CRISP1: variants seen among roughly 807,000 people sequenced by gnomAD.
The protein encoded by CRISP1 is cysteine rich secretory protein 1, also known as cysteine-rich secretory protein 1.
A neutral mutation model predicts 33.1 loss-of-function variants in CRISP1; 44 were observed. The ratio of observed to expected loss-of-function variants is 1.33; its 90% CI spans 1.05 to 1.71. The LOEUF (loss-of-function observed/expected upper bound fraction) is 1.71. CRISP1 is among the 40% of genes most tolerant of loss of function. The pLI is 0.00. For synonymous variants in CRISP1, 103 were observed against 98.7 expected, an observed-to-expected ratio of 1.04 and a Z score of -0.26; for missense variants, 390 against 301.2, an observed-to-expected ratio of 1.29 and a Z score of -2.18.
At position 49,847,350 on chromosome 6, in the gene CRISP1, C is replaced by T. The variant is rs547219244; in HGVS notation, c.287-682G>A. On this transcript the variant is annotated intron_variant, in intron 4 of 7. Coordinates refer to ENST00000335847, the MANE Select transcript of CRISP1 (RefSeq NM_001131.3). ...CCCCGTGTTGAAGGTGGGGCCTGAC[C>T]GGAGACGTTTACCTCACGGTAGTGG... Among the ~76,000 whole-genome samples, 7 of 152,210 alleles carry T rather than the reference C, an allele frequency of 4.6e-5. No homozygotes were observed. The East Asian group carries it at 9.7e-4, about 21-fold the overall frequency.
chr6:49,875,520 G>T (rs1386536690), intron 1 of CRISP1, among the ~76,000 whole-genome samples: 1 of 151,918 alleles, frequency 6.6e-6, no homozygotes, highest in Admixed American at 6.6e-5. Flanking sequence ...ACTATCATTG[G>T]CATTCTTCAC....
At chr6:49,840,374 T>C (rs1770944077) in intron 6 of CRISP1, among the ~76,000 whole-genome samples, 5 of 152,220 alleles carry the variant, frequency 3.3e-5, no homozygotes, top group Admixed American at 2.0e-4. Flanking sequence ...GTATATTTAA[T>C]TTTTAAAGAG....
In CRISP1 at chr6:49,840,987, C is replaced by T; in HGVS notation, c.444G>A (p.Trp148Ter). The T allele has an allele frequency of 6.2e-7, 1 of 1,613,122 alleles. No individual in the cohort carries two copies. Among genetic ancestry groups the T allele is most frequent in the Non-Finnish European group, 8.5e-7 (1 of 1,179,362 alleles). The change falls in exon 6 of 8, where the codon TGG (tryptophan) becomes TGA (stop). Residue 148 changes from tryptophan to a stop codon, truncating the protein, a stop_gained. Transcript: ENST00000335847. LOFTEE classifies it high-confidence loss of function. ...CACAGCCAATCAGGTAAGATGTGGC[C>T]CAAACAATCTGCAATGATAAAGAGT... ...ITTDHYTQIV[W>*]ATSYLIGCAI...
chr6:49,838,536 A>T lies in CRISP1; in HGVS notation c.534-11T>A. The T allele has an allele frequency of 6.2e-7, 1 of 1,603,298 alleles. No homozygotes were observed. Among genetic ancestry groups the T allele is most frequent in the Non-Finnish European group, 8.5e-7 (1 of 1,173,068 alleles). ...TCAGGATCATTTCCCCTTGAATAAA[A>T]AAAAGTGATTTCATAAAACCCATCT... On this transcript the variant is annotated splice_polypyrimidine_tract_variant and intron_variant, in intron 6 of 7. Coordinates refer to ENST00000335847, the MANE Select transcript of CRISP1 (RefSeq NM_001131.3).
At chr6:49,850,845 C>T (rs147166748) in intron 3 of CRISP1, among the ~76,000 whole-genome samples, 27 of 152,228 alleles carry the variant, frequency 1.8e-4, no homozygotes, top group Non-Finnish European at 2.8e-4. Flanking sequence ...CTTATTTGCT[C>T]ATCTGGCAAC....
At chr6:49,852,370 T>C (rs1582271764) in intron 2 of CRISP1, among the ~76,000 whole-genome samples, 1 of 152,172 alleles carries the variant, frequency 6.6e-6, no homozygotes, top group East Asian at 1.9e-4. Context: ...TATCCTGTTA[T>C]TAGGGTTTTT....
chr6:49,861,346 A>G (rs1196316491), intron 1 of CRISP1, among the ~76,000 whole-genome samples: 1 of 152,200 alleles, frequency 6.6e-6, no homozygotes, highest in Non-Finnish European at 1.5e-5. Flanking sequence ...TTCCTTAAAA[A>G]AATACTAACA....
At chr6:49,836,513 ATTT>A (rs1290258839) in intron 7 of CRISP1, among the ~76,000 whole-genome samples, 1 of 149,288 alleles carries the variant, frequency 6.7e-6, no homozygotes, top group Non-Finnish European at 1.5e-5. Flanking sequence ...TTTTTTTTTT[ATTT>A]TTTAGTAGAG....
At chr6:49,874,763 A>G (rs1316499831) in intron 1 of CRISP1, among the ~76,000 whole-genome samples, 1 of 152,130 alleles carries the variant, frequency 6.6e-6, no homozygotes, top group Non-Finnish European at 1.5e-5. Context: ...ATGCAAATCA[A>G]TAAATGTGAC....
At chr6:49,868,456 A>T (rs931640500), upstream of CRISP1, among the ~76,000 whole-genome samples, 1 of 152,172 alleles carries the variant, frequency 6.6e-6, no homozygotes, top group South Asian at 2.1e-4. Context: ...GTTTACAATC[A>T]CATCATGTTT....
At position 49,863,990 on chromosome 6, in the gene CRISP1, G is replaced by T. The variant is rs533230673; in HGVS notation, c.-3+2439C>A. Reference sequence around the variant, plus strand: ...GATTTACAACTATGTATATGCTAGTGTAACCACTACCAAAAGCAATATATA... The same window carrying T: ...GATTTACAACTATGTATATGCTAGTTTAACCACTACCAAAAGCAATATATA... On this transcript the variant is annotated intron_variant, in intron 1 of 7. Transcript: ENST00000335847. Among the ~76,000 whole-genome samples the T allele has an allele frequency of 2.3e-4, 35 of 152,244 alleles. 1 individual carries two copies. The highest frequency in any genetic ancestry group is 5.5e-4 in the African/African-American group (23 of 41,572).
chr6:49,857,298 T>G (rs1376026924), intron 2 of CRISP1, 37 bp downstream of exon 2: 3 of 1,594,430 alleles, frequency 1.9e-6, no homozygotes, highest in Non-Finnish European at 2.6e-6. Flanking sequence ...TTATCTTTAT[T>G]TAGAAAGTAA....
chr6:49,860,461 A>C (rs1391597938), intron 1 of CRISP1, among the ~76,000 whole-genome samples: 1 of 152,168 alleles, frequency 6.6e-6, no homozygotes, highest in Non-Finnish European at 1.5e-5. Context: ...ATCAATAACA[A>C]GAGGAAATTT....
intron 1 of CRISP1, among the ~76,000 whole-genome samples, chr6:49,862,208 G>C (rs996079776): frequency 2.6e-5 from 4 of 151,906 alleles, no homozygotes; most frequent in African/African-American, 9.7e-5. Context: ...AACTTTGCAA[G>C]ATATAAAATC....
intron 1 of CRISP1, among the ~76,000 whole-genome samples, chr6:49,872,945 T>C: frequency 6.6e-6 from 1 of 152,032 alleles, no homozygotes; most frequent in Non-Finnish European, 1.5e-5. Context: ...AAGAAAGTCA[T>C]TGGTAGCTTG....
At chr6:49,852,830 G>T (rs565687060) in intron 2 of CRISP1, among the ~76,000 whole-genome samples, 2 of 147,684 alleles carry the variant, frequency 1.4e-5, no homozygotes, top group Non-Finnish European at 3.0e-5. Flanking sequence ...AGCATTAATC[G>T]CTATAAAGAG....
intron 6 of CRISP1, among the ~76,000 whole-genome samples, chr6:49,839,709 A>G (rs7753886): frequency 0.92 from 139,601 of 152,250 alleles, 64,071 homozygotes; most frequent in East Asian, 0.96. Context: ...AGATCTCCAT[A>G]TTTTGTACTT....
upstream of CRISP1, among the ~76,000 whole-genome samples, chr6:49,871,330 AATAGAC>A (rs1206996656): frequency 6.6e-6 from 1 of 152,110 alleles, no homozygotes; most frequent in South Asian, 2.1e-4. Context: ...GGCTTCAGGA[AATAGAC>A]ATAGTAATGA....
chr6:49,875,617 C>G (rs1772018343), intron 1 of CRISP1, among the ~76,000 whole-genome samples: 2 of 152,036 alleles, frequency 1.3e-5, no homozygotes, highest in South Asian at 4.2e-4. Flanking sequence ...AAGAACAAAG[C>G]TGGAGGCATC....
Sources: allele counts gnomAD v4.1 joint callset (sites outside exome capture counted in the v4.1 genomes callset), GRCh38; gene constraint gnomAD v4.1.1; transcripts MANE v1.5; gene names NCBI Gene and HGNC (gene_info 2026-07-23, HGNC 2026-07-21).